The following HELZ variants were observed in gnomAD, a reference collection of about 807,000 sequenced individuals.
The protein encoded by HELZ is ATP-dependent RNA helicase with zinc finger domain.
A neutral mutation model predicts 218.2 loss-of-function variants in HELZ; 23 were observed. The ratio of observed to expected loss-of-function variants is 0.11; its 90% CI spans 0.08 to 0.15. The LOEUF (loss-of-function observed/expected upper bound fraction) is 0.15, where lower values mean the gene tolerates loss of function less well. Among genes scored for constraint, HELZ ranks in the 10% least tolerant of loss-of-function variants. HELZ has a pLI of 1.00. For missense variants in HELZ, 1,813 were observed against 2,353.7 expected (o/e 0.77, Z 4.75); for synonymous variants, 814 against 829.4 (o/e 0.98, Z 0.32).
At chr17:67,203,810 G>C (rs930021366) in intron 5 of HELZ, among the ~76,000 whole-genome samples, 4 of 152,128 alleles carry the variant, frequency 2.6e-5, no homozygotes, top group African/African-American at 9.7e-5. Context: ...ATAAGACTGG[G>C]TGCCATTAAA....
At chr17:67,138,372 T>C (rs1411000206) in intron 21 of HELZ, among the ~76,000 whole-genome samples, 2 of 152,196 alleles carry the variant, frequency 1.3e-5, no homozygotes, top group Admixed American at 6.5e-5. Flanking sequence ...GACAATGCTA[T>C]TGGCCCCCAA....
intron 18 of HELZ, chr17:67,150,274 C>T (rs1159633550): frequency 1.3e-5 from 3 of 231,722 alleles, no homozygotes; most frequent in Non-Finnish European, 2.5e-5. Context: ...AGACTACGGG[C>T]ATATGCCATA....
At chr17:67,210,859 T>C (rs1043180255) in intron 5 of HELZ, among the ~76,000 whole-genome samples, 4 of 152,016 alleles carry the variant, frequency 2.6e-5, no homozygotes, top group Non-Finnish European at 4.4e-5. Context: ...GAGGCAGAGG[T>C]TGCAGTGAGC....
chr17:67,123,883 T>C, intron 25 of HELZ, 80 bp downstream of exon 25: 1 of 867,486 alleles, frequency 1.2e-6, no homozygotes, highest in Admixed American at 1.7e-5. Flanking sequence ...CTCCCCACCC[T>C]CCTCTTTCTT....
At chr17:67,128,506 AAAC>A (rs756898458) in intron 24 of HELZ, 142 bp downstream of exon 24, 1 of 718,272 alleles carries the variant, frequency 1.4e-6, no homozygotes, top group Non-Finnish European at 2.5e-6. Context: ...TGTCCACACT[AAAC>A]AAGCTCCTTG....
At chr17:67,090,587 C>T (rs1475454398) in intron 31 of HELZ, among the ~76,000 whole-genome samples, 1 of 152,080 alleles carries the variant, frequency 6.6e-6, no homozygotes, top group Non-Finnish European at 1.5e-5. Context: ...ATAAGACTGT[C>T]CATATGCCAT....
At chr17:67,118,808 A>G (rs1489345287) in intron 27 of HELZ, among the ~76,000 whole-genome samples, 1 of 152,046 alleles carries the variant, frequency 6.6e-6, no homozygotes, top group East Asian at 1.9e-4. Context: ...ATAACTGAAG[A>G]CAATCAACCC....
chr17:67,097,447 A>G (rs988462149), intron 31 of HELZ, among the ~76,000 whole-genome samples: 1 of 152,248 alleles, frequency 6.6e-6, no homozygotes, highest in Admixed American at 6.5e-5. Flanking sequence ...ACTTTGCAAC[A>G]CAGTGCATCA....
chr17:67,168,023 C>T (rs938813982), intron 13 of HELZ, among the ~76,000 whole-genome samples: 3 of 152,016 alleles, frequency 2.0e-5, no homozygotes, highest in Non-Finnish European at 4.4e-5. Context: ...CACTCTGTCG[C>T]CTAGGCTGGA....
intron 21 of HELZ, among the ~76,000 whole-genome samples, chr17:67,145,124 C>T (rs1234570439): frequency 6.6e-6 from 1 of 152,162 alleles, no homozygotes; most frequent in Non-Finnish European, 1.5e-5. Flanking sequence ...CATCCTCGGG[C>T]TTCCTGAAGT....
rs8081791 is a variant in HELZ, at chr17:67,159,361, A to G, written c.2177+900T>C. 2.0e-3 allele frequency among the ~76,000 whole-genome samples: 308 copies of G among 152,196 alleles called. 1 individual carries two copies. Among genetic ancestry groups the G allele is most frequent in the African/African-American group, 6.9e-3 (287 of 41,526 alleles). On this transcript the variant is annotated intron_variant, in intron 17 of 32. Coordinates refer to ENST00000358691, the MANE Select transcript of HELZ (RefSeq NM_014877.4). ...TTTCCTCTTTTGTTTTTTTAATGGA[A>G]CTCTAAGATCATTCAAACAGCTTTG... is the stretch of plus-strand genomic sequence containing the variant.
At chr17:67,125,047 G>C in intron 24 of HELZ, among the ~76,000 whole-genome samples, 1 of 150,822 alleles carries the variant, frequency 6.6e-6, no homozygotes, top group Non-Finnish European at 1.5e-5. Flanking sequence ...AATCATTCTT[G>C]ACAAAAGCAA....
At chr17:67,244,802 C>G in intron 1 of HELZ, 2 of 985,296 alleles carry the variant, frequency 2.0e-6, no homozygotes, top group Non-Finnish European at 2.4e-6. Flanking sequence ...CCGGGAGGCT[C>G]GAGTCCCCCT....
chr17:67,214,695 A>G (rs527451586), intron 5 of HELZ, among the ~76,000 whole-genome samples: 3 of 152,270 alleles, frequency 2.0e-5, no homozygotes, highest in African/African-American at 7.2e-5. Flanking sequence ...CAAACCACTG[A>G]GCTCTGCAAA....
chr17:67,226,146 G>A (rs908868310), intron 3 of HELZ, among the ~76,000 whole-genome samples: 3 of 151,654 alleles, frequency 2.0e-5, no homozygotes, highest in Non-Finnish European at 2.9e-5. Flanking sequence ...TGTAGTCCCA[G>A]CTACTCGGGA....
Position 67,170,501 on chromosome 17 carries a change from G to A in HELZ, c.1431-2705C>T, listed in dbSNP as rs905760544. Among the ~76,000 whole-genome samples the A allele has an allele frequency of 3.9e-5, 6 of 152,026 alleles. No individual in the cohort carries two copies. The South Asian group carries it at 6.2e-4, about 16-fold the overall frequency. On this transcript the variant is annotated intron_variant, in intron 13 of 32. Coordinates refer to ENST00000358691, the MANE Select transcript of HELZ (RefSeq NM_014877.4). Reference sequence around the variant, plus strand: ...TGCACTCCAGCCTGGGCAACAGAGCGAGATTCTGTCTCTAAACTAAATAAA... The same window carrying A: ...TGCACTCCAGCCTGGGCAACAGAGCAAGATTCTGTCTCTAAACTAAATAAA...
intron 5 of HELZ, among the ~76,000 whole-genome samples, chr17:67,209,004 A>AAAGG (rs145781100): frequency 0.019 from 2,531 of 130,140 alleles, 42 homozygotes; most frequent in African/African-American, 0.027. Context: ...AGGAAGGCAA[A>AAAGG]AAGGAAGGAA....
rs1031968198 is a variant in HELZ, at chr17:67,071,785, T to C, written c.*6467A>G. The C allele has an allele frequency of 6.6e-6, 1 of 152,610 alleles. No individual in the cohort carries two copies. Among genetic ancestry groups the C allele is most frequent in the Non-Finnish European group, 1.5e-5 (1 of 68,034 alleles). The allele number at this position is 152,610 out of a possible 1,614,324, so 9.5% of individuals were successfully genotyped here. On this transcript the variant is annotated 3_prime_UTR_variant, in exon 33 of 33. Coordinates refer to ENST00000358691, the MANE Select transcript of HELZ (RefSeq NM_014877.4). ...CTCATACATGTGCACCTATGACTTA[T>C]GAATAATTCATGCTGTGTAGGTGGT...
chr17:67,163,600 C>T (rs539266478), intron 15 of HELZ, among the ~76,000 whole-genome samples: 2 of 152,144 alleles, frequency 1.3e-5, no homozygotes, highest in Admixed American at 1.3e-4. Context: ...GATGGGGCTT[C>T]ACCATGTTAG....
Sources: gnomAD v4.1 joint callset for allele counts (sites outside exome capture counted in the v4.1 genomes callset) on GRCh38, gnomAD v4.1.1 for gene constraint, MANE v1.5 for transcripts, NCBI Gene and HGNC (gene_info 2026-07-23, HGNC 2026-07-21) for gene names.